STAU2: variants seen among roughly 807,000 people sequenced by gnomAD.
The protein encoded by STAU2 is double-stranded RNA-binding protein Staufen homolog 2.
Under a neutral mutation model 65.9 loss-of-function variants are expected in STAU2, and 20 were observed. The observed-to-expected ratio is 0.30, with a 90% CI of 0.21 to 0.44. STAU2 has a LOEUF of 0.44. STAU2 is among the 20% of genes least tolerant of loss of function. The probability of loss-of-function intolerance (pLI) is 1.00; values close to 1 mark genes in which losing one functional copy is unlikely to be tolerated. For synonymous variants in STAU2, 232 were observed against 233.9 expected, an observed-to-expected ratio of 0.99 and a Z score of 0.07; for missense variants, 558 against 683.9, an observed-to-expected ratio of 0.82 and a Z score of 2.05.
upstream of STAU2, chr8:73,747,199 C>T (rs538768657): frequency 2.1e-4 from 126 of 607,614 alleles, 1 homozygote; most frequent in African/African-American, 2.2e-3. Context: ...CGCGGGCGAG[C>T]GACTGCGCAA....
chr8:73,622,342 C>T (rs534846438), intron 6 of STAU2, among the ~76,000 whole-genome samples: 2 of 151,920 alleles, frequency 1.3e-5, no homozygotes, highest in Non-Finnish European at 2.9e-5. Context: ...TAGCCAGGAT[C>T]GTCTCAATCT....
chr8:73,655,754 T>A (rs571569171), intron 6 of STAU2, among the ~76,000 whole-genome samples: 2 of 147,570 alleles, frequency 1.4e-5, no homozygotes, highest in Admixed American at 1.4e-4. Context: ...GTTCACGCCA[T>A]TCTCCTGCCT....
At chr8:73,424,389 C>A (rs745827066) in intron 13 of STAU2, among the ~76,000 whole-genome samples, 1 of 151,802 alleles carries the variant, frequency 6.6e-6, no homozygotes, top group African/African-American at 2.4e-5. Flanking sequence ...TTAGTAGAGA[C>A]GGGGTTTCAC....
At chr8:73,534,538 TAAAC>T (rs995045844) in intron 13 of STAU2, among the ~76,000 whole-genome samples, 1 of 152,176 alleles carries the variant, frequency 6.6e-6, no homozygotes, top group African/African-American at 2.4e-5. Context: ...AATGTATAAG[TAAAC>T]AAAATTAATT....
At chr8:73,647,205 C>T (rs1028686584) in intron 6 of STAU2, among the ~76,000 whole-genome samples, 8 of 152,228 alleles carry the variant, frequency 5.3e-5, no homozygotes, top group Admixed American at 2.0e-4. Flanking sequence ...ATTTACTACA[C>T]AACTGAGGTA....
intron 13 of STAU2, among the ~76,000 whole-genome samples, chr8:73,508,596 T>C (rs1477694387): frequency 6.6e-6 from 1 of 152,138 alleles, no homozygotes; most frequent in Non-Finnish European, 1.5e-5. Flanking sequence ...AGTGGGCACA[T>C]GTTGTTGGAA....
intron 13 of STAU2, among the ~76,000 whole-genome samples, chr8:73,461,684 G>A (rs1396027686): frequency 2.0e-5 from 3 of 152,026 alleles, no homozygotes; most frequent in Admixed American, 2.0e-4. Flanking sequence ...GGAGGAGGAT[G>A]GAGACTGTGT....
intron 13 of STAU2, among the ~76,000 whole-genome samples, chr8:73,528,885 A>G (rs1364431785): frequency 6.6e-6 from 1 of 152,102 alleles, no homozygotes. Context: ...ACGTTTATTT[A>G]ATCATGTATA....
chr8:73,549,232 C>T (rs1807150349), intron 13 of STAU2, among the ~76,000 whole-genome samples: 1 of 152,074 alleles, frequency 6.6e-6, no homozygotes, highest in Non-Finnish European at 1.5e-5. Flanking sequence ...CTGAAGTTCA[C>T]AGAACTACTG....
At chr8:73,480,284 A>G (rs547961578) in intron 13 of STAU2, among the ~76,000 whole-genome samples, 154 of 152,240 alleles carry the variant, frequency 1.0e-3, no homozygotes, top group African/African-American at 3.6e-3. Flanking sequence ...TCTCTCTGAG[A>G]TACAATATTC....
intron 6 of STAU2, among the ~76,000 whole-genome samples, chr8:73,663,756 T>G (rs16938712): frequency 0.31 from 47,212 of 151,886 alleles, 8,397 homozygotes; most frequent in East Asian, 0.48. Context: ...ATAGCCTTCA[T>G]TATACAGGTT....
chr8:73,528,876 C>T (rs565505887), intron 13 of STAU2, among the ~76,000 whole-genome samples: 13 of 152,084 alleles, frequency 8.5e-5, no homozygotes, highest in African/African-American at 2.7e-4. Flanking sequence ...ATATGGCCTA[C>T]GTTTATTTAA....
chr8:73,432,778 T>C (rs1448066073), intron 13 of STAU2, among the ~76,000 whole-genome samples: 4 of 152,310 alleles, frequency 2.6e-5, no homozygotes, highest in Admixed American at 6.5e-5. Context: ...GTAATTTCCA[T>C]AAAATTGGTA....
rs535316911 is a variant in STAU2 at position 73,529,574 on chromosome 8, C to T, written c.1530+22438G>A. On this transcript the variant is annotated intron_variant, in intron 13 of 14. Coordinates refer to ENST00000524300, the MANE Select transcript of STAU2 (RefSeq NM_001164380.2). ...AAAATTAGAAAGGACAAAAATAGGA[C>T]AATTGCAGTCAAAAAAATAAACTTT... Among the ~76,000 whole-genome samples, 50 of 152,186 alleles carry T rather than the reference C, an allele frequency of 3.3e-4. No individual in the cohort carries two copies. In the South Asian group the frequency reaches 1.0e-2, roughly 30 times the overall value.
rs528439050 is a variant in STAU2, at chr8:73,545,384, T to TA, written c.1530+6627dup. Among the ~76,000 whole-genome samples, 204 of 149,760 alleles carry TA rather than the reference T, an allele frequency of 1.4e-3. 1 individual carries two copies. In the South Asian group the frequency reaches 0.019, roughly 14 times the overall value. On this transcript the variant is annotated intron_variant, in intron 13 of 14. Coordinates refer to ENST00000524300, the MANE Select transcript of STAU2 (RefSeq NM_001164380.2). ...TTAAAAAAATAGATAATACTACAGA[T>TA]AAAAAAAAAATTTGGAAGTTTTTCA...
intron 3 of STAU2, 81 bp from the exon 4 acceptor site, chr8:73,709,243 AG>A: frequency 6.2e-6 from 7 of 1,136,374 alleles, no homozygotes; most frequent in Non-Finnish European, 8.2e-6. Context: ...CTTTGAAGGT[AG>A]ATTGTATATT....
chr8:73,639,924 A>T (rs1008716066), intron 6 of STAU2, among the ~76,000 whole-genome samples: 1 of 152,164 alleles, frequency 6.6e-6, no homozygotes, highest in African/African-American at 2.4e-5. Flanking sequence ...TTCAAATCAA[A>T]GAGGTGAAGT....
chr8:73,529,168 C>T (rs547523579), intron 13 of STAU2, among the ~76,000 whole-genome samples: 1 of 152,228 alleles, frequency 6.6e-6, no homozygotes, highest in African/African-American at 2.4e-5. Context: ...ATTCACCATC[C>T]TACACTTCCT....
chr8:73,638,111 T>C (rs1426228157), intron 6 of STAU2, among the ~76,000 whole-genome samples: 5 of 151,962 alleles, frequency 3.3e-5, no homozygotes, highest in African/African-American at 9.7e-5. Context: ...GAAAGGATAA[T>C]ACATGAAACT....
Sources: allele counts gnomAD v4.1 joint callset (sites outside exome capture counted in the v4.1 genomes callset), GRCh38; gene constraint gnomAD v4.1.1; transcripts MANE v1.5; gene names NCBI Gene and HGNC (gene_info 2026-07-23, HGNC 2026-07-21).